FBXO25: variants seen among roughly 807,000 people sequenced by gnomAD.
The protein encoded by FBXO25 is F-box protein 25.
FBXO25 carries 45 observed loss-of-function variants against 51.9 expected under a neutral mutation model. That is an observed-to-expected ratio of 0.87 (90% CI 0.68 to 1.11). The LOEUF is 1.11. FBXO25 is among the 50% of genes most tolerant of loss of function. FBXO25 has a pLI of 0.00. For synonymous variants in FBXO25, 199 were observed against 151.0 expected (o/e 1.32, Z -2.33); for missense variants, 507 against 428.5 (o/e 1.18, Z -1.62).
rs917501936 is a variant in FBXO25 at position 477,895 on chromosome 8, G to A, written c.*9091G>A. On this transcript the variant is annotated 3_prime_UTR_variant, in exon 10 of 10. Transcript: ENST00000350302. ...CAGCTGGTGGGCCCAATTTTGGCCT[G>A]TATTTCACTTGCCAACCTGATTTAT... The A allele has an allele frequency of 5.3e-4, 80 of 152,240 alleles. 1 individual carries two copies. Among genetic ancestry groups the A allele is most frequent in the Admixed American group, 5.2e-4 (8 of 15,302 alleles). The allele number at this position is 152,240 out of a possible 1,614,324, so 9.4% of individuals were successfully genotyped here. A position where few individuals can be genotyped will look rare whatever the true frequency, so the allele number is the denominator to read the frequency against.
At chr8:468,675 T>C in intron 9 of FBXO25, 40 bp from the exon 10 acceptor site, 1 of 1,530,450 alleles carries the variant, frequency 6.5e-7, no homozygotes, top group Non-Finnish European at 8.9e-7. Context: ...GTGTGGCTGG[T>C]GGTGGGGCCC....
intron 2 of FBXO25, among the ~76,000 whole-genome samples, chr8:423,338 A>G (rs1400159360): frequency 6.6e-6 from 1 of 152,174 alleles, no homozygotes; most frequent in Non-Finnish European, 1.5e-5. Context: ...GGGTCCATGT[A>G]CAGATTTGTT....
At chr8:459,970 G>T (rs963927140) in intron 8 of FBXO25, among the ~76,000 whole-genome samples, 1 of 152,072 alleles carries the variant, frequency 6.6e-6, no homozygotes, top group Non-Finnish European at 1.5e-5. Flanking sequence ...AGAAGCAAAA[G>T]AATTCCAGTA....
At chr8:422,271 G>A (rs1797203280) in intron 2 of FBXO25, among the ~76,000 whole-genome samples, 1 of 152,354 alleles carries the variant, frequency 6.6e-6, no homozygotes, top group East Asian at 1.9e-4. Context: ...TACCTGTGGT[G>A]TGGTGCTGTG....
At chr8:459,948 G>C (rs756085888) in intron 8 of FBXO25, among the ~76,000 whole-genome samples, 3 of 152,176 alleles carry the variant, frequency 2.0e-5, no homozygotes, top group Non-Finnish European at 4.4e-5. Flanking sequence ...CTCTCAAGTG[G>C]ACTTGTTCGG....
At chr8:456,695 A>G (rs553343249) in intron 7 of FBXO25, among the ~76,000 whole-genome samples, 34 of 152,322 alleles carry the variant, frequency 2.2e-4, no homozygotes, top group Non-Finnish European at 3.4e-4. Flanking sequence ...CAAACTGTCA[A>G]GCAGTGTTGA....
chr8:432,882 C>G lies in FBXO25; in HGVS notation c.239-4C>G, dbSNP rs375095914. Reference sequence around the variant, plus strand: ...TTTAAAAACAAAGGTAATTTTTATTCTAGGTTTTTATCGTGAAAAATGGAT... The same window carrying G: ...TTTAAAAACAAAGGTAATTTTTATTGTAGGTTTTTATCGTGAAAAATGGAT... On this transcript the variant is annotated splice_polypyrimidine_tract_variant and splice_region_variant and intron_variant, in intron 3 of 9. Transcript: ENST00000350302. The G allele has an allele frequency of 4.5e-6, 7 of 1,540,894 alleles. No individual in the cohort carries two copies. Among genetic ancestry groups the G allele is most frequent in the African/African-American group, 1.4e-5 (1 of 71,134 alleles).
intron 9 of FBXO25, 98 bp from the exon 10 acceptor site, chr8:468,617 G>T (rs1800344363): frequency 4.6e-6 from 4 of 865,198 alleles, no homozygotes; most frequent in Admixed American, 4.3e-5. Context: ...TGGGGCCCAG[G>T]GTCCACATCA....
chr8:442,626 C>T (rs1177639967), intron 5 of FBXO25, among the ~76,000 whole-genome samples: 7 of 152,028 alleles, frequency 4.6e-5, no homozygotes, highest in African/African-American at 7.3e-5. Context: ...CCTGCCACCA[C>T]GCCTGGCTAA....
chr8:443,233 G>A (rs1030955802), intron 5 of FBXO25, among the ~76,000 whole-genome samples: 9 of 151,008 alleles, frequency 6.0e-5, no homozygotes, highest in African/African-American at 2.2e-4. Flanking sequence ...TATACGGCAT[G>A]CCAAAAAAAG....
intron 5 of FBXO25, among the ~76,000 whole-genome samples, chr8:446,613 C>T (rs1205364744): frequency 1.3e-5 from 2 of 152,194 alleles, no homozygotes; most frequent in African/African-American, 4.8e-5. Flanking sequence ...TGCTATTCAA[C>T]ACTAAAACAA....
At chr8:443,598 G>A (rs1798560333) in intron 5 of FBXO25, among the ~76,000 whole-genome samples, 1 of 150,952 alleles carries the variant, frequency 6.6e-6, no homozygotes, top group Non-Finnish European at 1.5e-5. Flanking sequence ...TGAGCAACTT[G>A]TGAGCTGTAG....
Position 468,994 on chromosome 8 carries a change from G to A in FBXO25, c.*190G>A, listed in dbSNP as rs1334293797. 7 of 552,426 alleles carry A rather than the reference G, an allele frequency of 1.3e-5. No individual in the cohort carries two copies. The highest frequency in any genetic ancestry group is 3.9e-5 in the African/African-American group (2 of 51,848). The allele number at this position is 552,426 out of a possible 1,614,324, so 34.2% of individuals were successfully genotyped here. ...TCATCACTGAAAGTCAGAGGCCAAG[G>A]AAATCATTTCTACTTCTTTAAAAAC... On this transcript the variant is annotated 3_prime_UTR_variant, in exon 10 of 10. Transcript: ENST00000350302.
chr8:476,283 ATTGATTTAAAAAAATC>A lies in FBXO25; in HGVS notation c.*7485_*7500del, dbSNP rs1372336639. ...CCTGTTGGCCAGTATTTTGTTGAATATTGATTTAAAAAAATCTTGATCAGGAATACTGATGTGTGGT... is the reference window on the plus strand; with the variant it reads ...CCTGTTGGCCAGTATTTTGTTGAATATTGATCAGGAATACTGATGTGTGGT... On this transcript the variant is annotated 3_prime_UTR_variant, in exon 10 of 10. Transcript: ENST00000350302. The A allele has an allele frequency of 6.6e-6, 1 of 152,100 alleles. No individual in the cohort carries two copies. The highest frequency in any genetic ancestry group is 1.5e-5 in the Non-Finnish European group (1 of 68,032). The allele number at this position is 152,100 out of a possible 1,614,324, so 9.4% of individuals were successfully genotyped here. A position where few individuals can be genotyped will look rare whatever the true frequency, so the allele number is the denominator to read the frequency against.
intron 8 of FBXO25, among the ~76,000 whole-genome samples, chr8:460,083 G>T (rs1269164138): frequency 6.6e-6 from 1 of 152,142 alleles, no homozygotes; most frequent in African/African-American, 2.4e-5. Flanking sequence ...CCTAGGAAAA[G>T]AGGTAAATGA....
intron 9 of FBXO25, chr8:468,289 A>C (rs74765852): frequency 2.0e-6 from 2 of 1,016,188 alleles, no homozygotes; most frequent in African/African-American, 1.7e-5. Flanking sequence ...TCAGGGATGA[A>C]TGGCGGGTGG....
intron 2 of FBXO25, among the ~76,000 whole-genome samples, chr8:424,896 A>T (rs1290206111): frequency 6.6e-6 from 1 of 152,110 alleles, no homozygotes; most frequent in African/African-American, 2.4e-5. Context: ...TTGTTCTTAA[A>T]TGCATTTTAT....
intron 1 of FBXO25, among the ~76,000 whole-genome samples, chr8:408,204 A>G (rs1441058208): frequency 1.3e-5 from 2 of 152,172 alleles, no homozygotes; most frequent in African/African-American, 4.8e-5. Context: ...AAATAGGGAA[A>G]CACATGTGGT....
chr8:423,196 G>A (rs996689354), intron 2 of FBXO25, among the ~76,000 whole-genome samples: 1 of 151,190 alleles, frequency 6.6e-6, no homozygotes, highest in African/African-American at 2.4e-5. Flanking sequence ...TCACACTGAT[G>A]TAAATAGAGA....
Sources: gnomAD v4.1 joint callset for allele counts (sites outside exome capture counted in the v4.1 genomes callset) on GRCh38, gnomAD v4.1.1 for gene constraint, MANE v1.5 for transcripts, NCBI Gene and HGNC (gene_info 2026-07-23, HGNC 2026-07-21) for gene names.